The following GPBP1 variants were observed in gnomAD, a reference collection of about 807,000 sequenced individuals.
GPBP1 encodes the protein GC-rich promoter binding protein 1.
A neutral mutation model predicts 56.5 loss-of-function variants in GPBP1; 13 were observed. The ratio of observed to expected loss-of-function variants is 0.23; its 90% CI spans 0.15 to 0.37. The LOEUF is 0.37. GPBP1 is among the 10% of genes least tolerant of loss of function. GPBP1 has a pLI of 1.00. For missense variants in GPBP1, 477 were observed against 572.3 expected (o/e 0.83, Z 1.70); for synonymous variants, 204 against 188.9 (o/e 1.08, Z -0.66).
chr5:57,260,540 G>A (rs1274627480), intron 10 of GPBP1, among the ~76,000 whole-genome samples: 1 of 152,134 alleles, frequency 6.6e-6, no homozygotes, highest in East Asian at 1.9e-4. Flanking sequence ...ACAAGATTCT[G>A]TTGAAACATG....
chr5:57,239,071 C>T (rs180839593), intron 6 of GPBP1, among the ~76,000 whole-genome samples: 2 of 152,190 alleles, frequency 1.3e-5, no homozygotes, highest in African/African-American at 2.4e-5. Flanking sequence ...GAAAATTCTT[C>T]GTTGGATTTT....
At chr5:57,229,284 T>C (rs1756338632) in intron 3 of GPBP1, among the ~76,000 whole-genome samples, 1 of 140,076 alleles carries the variant, frequency 7.1e-6, no homozygotes, top group African/African-American at 2.7e-5. Context: ...GTCTGTCTTC[T>C]CAACCCTTAC....
chr5:57,212,632 A>G (rs570310274), intron 2 of GPBP1, among the ~76,000 whole-genome samples: 3 of 149,768 alleles, frequency 2.0e-5, no homozygotes, highest in Admixed American at 6.7e-5. Context: ...TGTTTTTTAT[A>G]TCTGGTTACT....
chr5:57,177,476 G>A (rs1394291300), intron 2 of GPBP1, among the ~76,000 whole-genome samples: 1 of 151,738 alleles, frequency 6.6e-6, no homozygotes, highest in Non-Finnish European at 1.5e-5. Flanking sequence ...TGAGACGAAA[G>A]ACTAATTTTT....
At chr5:57,261,461 A>G (rs1262008129) in intron 11 of GPBP1, among the ~76,000 whole-genome samples, 179 bp downstream of exon 11, 1 of 151,696 alleles carries the variant, frequency 6.6e-6, no homozygotes, top group Non-Finnish European at 1.5e-5. Flanking sequence ...GGCCTCTAGA[A>G]CTCCTGGGTG....
At chr5:57,244,703 ATTAT>A (rs1740999239) in intron 6 of GPBP1, among the ~76,000 whole-genome samples, 1 of 137,614 alleles carries the variant, frequency 7.3e-6, no homozygotes, top group South Asian at 2.4e-4. Flanking sequence ...CAATCCTAAT[ATTAT>A]TTACTATTCT....
At chr5:57,194,333 G>A (rs1301542911) in intron 2 of GPBP1, among the ~76,000 whole-genome samples, 3 of 152,094 alleles carry the variant, frequency 2.0e-5, no homozygotes, top group Non-Finnish European at 4.4e-5. Flanking sequence ...TATTTCTAGT[G>A]CTAATGAGGT....
At chr5:57,201,251 G>A (rs756465213) in intron 2 of GPBP1, among the ~76,000 whole-genome samples, 1 of 152,198 alleles carries the variant, frequency 6.6e-6, no homozygotes, top group African/African-American at 2.4e-5. Flanking sequence ...TCAGCCTCTT[G>A]AGAAACTGGG....
intron 2 of GPBP1, among the ~76,000 whole-genome samples, chr5:57,208,000 G>A (rs1424899810): frequency 1.3e-5 from 2 of 152,264 alleles, no homozygotes; most frequent in East Asian, 3.9e-4. Flanking sequence ...ATAGGCACAC[G>A]ATGGGGGTGT....
intron 2 of GPBP1, among the ~76,000 whole-genome samples, chr5:57,181,592 T>A (rs1421961861): frequency 6.7e-6 from 1 of 149,118 alleles, no homozygotes; most frequent in African/African-American, 2.5e-5. Context: ...TAGGGAACAT[T>A]TAAAAAAAAG....
intron 10 of GPBP1, among the ~76,000 whole-genome samples, chr5:57,257,045 T>TG (rs1330255360): frequency 1.3e-5 from 2 of 152,132 alleles, no homozygotes; most frequent in African/African-American, 4.8e-5. Flanking sequence ...TTTTTGTTTT[T>TG]TTTTTGAGAT....
At chr5:57,217,446 C>A (rs953696854) in intron 3 of GPBP1, among the ~76,000 whole-genome samples, 1 of 152,128 alleles carries the variant, frequency 6.6e-6, no homozygotes, top group Non-Finnish European at 1.5e-5. Context: ...GTGGTGCATA[C>A]CTTAATCCCA....
intron 4 of GPBP1, 43 bp from the exon 5 acceptor site, chr5:57,231,055 T>G: frequency 6.3e-7 from 1 of 1,588,540 alleles, no homozygotes; most frequent in South Asian, 1.1e-5. Flanking sequence ...TCTTTAAGCT[T>G]CTCTTCTTTG....
chr5:57,177,392 T>C (rs1461413679), intron 2 of GPBP1, among the ~76,000 whole-genome samples: 1 of 152,168 alleles, frequency 6.6e-6, no homozygotes, highest in Admixed American at 6.5e-5. Context: ...TGACAAAATT[T>C]AATTTTTAGG....
chr5:57,218,825 A>G (rs1472512595), intron 3 of GPBP1, among the ~76,000 whole-genome samples: 1 of 152,204 alleles, frequency 6.6e-6, no homozygotes, highest in East Asian at 1.9e-4. Flanking sequence ...GGTCCTAATA[A>G]ATTTTGGCCA....
intron 2 of GPBP1, among the ~76,000 whole-genome samples, chr5:57,184,260 G>T (rs1430282586): frequency 6.6e-6 from 1 of 152,052 alleles, no homozygotes; most frequent in African/African-American, 2.4e-5. Flanking sequence ...GTTTATTGGG[G>T]TGTAATGTAC....
At chr5:57,186,666 G>C (rs977160741) in intron 2 of GPBP1, among the ~76,000 whole-genome samples, 2 of 152,018 alleles carry the variant, frequency 1.3e-5, no homozygotes, top group Non-Finnish European at 2.9e-5. Flanking sequence ...TGACTTCTTG[G>C]GCTGGAATGA....
At chr5:57,184,572 C>T (rs1754204100) in intron 2 of GPBP1, among the ~76,000 whole-genome samples, 1 of 152,152 alleles carries the variant, frequency 6.6e-6, no homozygotes. Flanking sequence ...GTGCTAAGCC[C>T]TTCAGGAGGG....
At chr5:57,178,187 A>C (rs1282191487) in intron 2 of GPBP1, among the ~76,000 whole-genome samples, 1 of 152,226 alleles carries the variant, frequency 6.6e-6, no homozygotes, top group East Asian at 1.9e-4. Flanking sequence ...AATAAGATTA[A>C]GTTGAACTGG....
Sources: allele counts gnomAD v4.1 joint callset (sites outside exome capture counted in the v4.1 genomes callset), GRCh38; gene constraint gnomAD v4.1.1; transcripts MANE v1.5; gene names NCBI Gene and HGNC (gene_info 2026-07-23, HGNC 2026-07-21).